Variants in FAT4 observed in about 807,000 individuals in gnomAD.
FAT4 encodes the protein protocadherin Fat 4.
Under a neutral mutation model 303.9 loss-of-function variants are expected in FAT4, and 84 were observed. The observed-to-expected ratio is 0.28, with a 90% CI of 0.23 to 0.33. The LOEUF is 0.33. Ranked by LOEUF, FAT4 falls within the 10% of genes least tolerant of loss-of-function variation. FAT4 has a pLI of 1.00. For missense variants in FAT4, 6,005 were observed against 6,146.8 expected, an observed-to-expected ratio of 0.98 and a Z score of 0.77; for synonymous variants, 2,307 against 2,298.8, an observed-to-expected ratio of 1.00 and a Z score of -0.10.
At chr4:125,485,748 G>T (rs756702333) in intron 16 of FAT4, among the ~76,000 whole-genome samples, 3 of 152,104 alleles carry the variant, frequency 2.0e-5, no homozygotes, top group Non-Finnish European at 4.4e-5. Flanking sequence ...TTATCAAATT[G>T]CATGTGATAT....
chr4:125,381,223 T>G (rs1286337926), intron 2 of FAT4, among the ~76,000 whole-genome samples: 4 of 152,204 alleles, frequency 2.6e-5, no homozygotes, highest in Non-Finnish European at 4.4e-5. Flanking sequence ...AAGAAAAAAC[T>G]AATAATACAG....
chr4:125,419,843 G>T (rs1735218062), intron 7 of FAT4, among the ~76,000 whole-genome samples: 1 of 152,184 alleles, frequency 6.6e-6, no homozygotes. Flanking sequence ...ATCAGTAAGT[G>T]CTTTGAATGT....
chr4:125,326,897 C>T (rs1013746010), intron 2 of FAT4, among the ~76,000 whole-genome samples: 4 of 151,984 alleles, frequency 2.6e-5, no homozygotes, highest in Non-Finnish European at 5.9e-5. Flanking sequence ...TGGTGGTGCA[C>T]GCCTGTAGTC....
chr4:125,343,371 TAGCACCA>T (rs148816162), intron 2 of FAT4, among the ~76,000 whole-genome samples: 483 of 152,224 alleles, frequency 3.2e-3, no homozygotes, highest in African/African-American at 9.0e-3. Flanking sequence ...CTAGAACCCA[TAGCACCA>T]AGTCCATGGG....
intron 2 of FAT4, among the ~76,000 whole-genome samples, chr4:125,360,182 C>T (rs1195653682): frequency 6.6e-6 from 1 of 152,104 alleles, no homozygotes; most frequent in East Asian, 1.9e-4. Context: ...TCCTCCTTTA[C>T]GCATTGCTAG....
Position 125,451,446 on chromosome 4 carries a change from A to G in FAT4, c.10436A>G (p.Asn3479Ser). The part of the protein sequence containing the change: ...ELDRETLPIY[N>S]LSVLAVDSGT... The stretch of plus-strand genomic sequence containing the variant: ...GATCGAGAAACCCTTCCCATCTATA[A>G]TCTCTCAGTTTTGGCTGTTGATTCA... The change falls in exon 10 of 18, where the codon AAT becomes AGT. Residue 3479 changes from asparagine to serine, a missense_variant. Asn to Ser is a conservative substitution (Grantham distance 46). Coordinates refer to ENST00000394329, the MANE Select transcript of FAT4 (RefSeq NM_001291303.3). 6.2e-7 allele frequency: 1 copy of G among 1,614,086 alleles called. No individual in the cohort carries two copies. The highest frequency in any genetic ancestry group is 1.1e-5 in the South Asian group (1 of 91,082).
Position 125,396,961 on chromosome 4 carries a change from TATATAA to T in FAT4, c.5176-1821_5176-1816del, listed in dbSNP as rs1341843061. Among the ~76,000 whole-genome samples, 293 of 83,868 alleles carry T rather than the reference TATATAA, an allele frequency of 3.5e-3. 2 individuals are homozygous for T. Among genetic ancestry groups the T allele is most frequent in the African/African-American group, 0.014 (267 of 18,860 alleles). The allele number at this position is 83,868 out of a possible 152,430, so 55.0% of individuals were successfully genotyped here. ...ATATATATATATATATATATATATA[TATATAA>T]AATATGTATGTGTGTGTGTATTTCA... On this transcript the variant is annotated intron_variant, in intron 2 of 17. Transcript: ENST00000394329.
At chr4:125,367,381 A>G (rs1211907567) in intron 2 of FAT4, among the ~76,000 whole-genome samples, 1 of 152,146 alleles carries the variant, frequency 6.6e-6, no homozygotes, top group East Asian at 1.9e-4. Flanking sequence ...AAGAACACAA[A>G]GGTTATAGAG....
intron 2 of FAT4, among the ~76,000 whole-genome samples, chr4:125,373,229 G>A (rs1000827856): frequency 6.6e-6 from 1 of 152,080 alleles, no homozygotes; most frequent in African/African-American, 2.4e-5. Context: ...TTTTAGTCAA[G>A]TAATAATAAT....
Position 125,414,344 on chromosome 4 carries a change from A to T in FAT4, c.5921-540A>T, listed in dbSNP as rs73849205. Among the ~76,000 whole-genome samples the T allele has an allele frequency of 7.9e-3, 1,208 of 152,274 alleles. 11 individuals are homozygous for T. Among genetic ancestry groups the T allele is most frequent in the African/African-American group, 0.028 (1,149 of 41,582 alleles). The stretch of plus-strand genomic sequence containing the variant: ...TACTGCTAACAATTTCTTTAAAAAT[A>T]CTTTTTAGAAACTTTAAATATGTTT... On this transcript the variant is annotated intron_variant, in intron 5 of 17. Transcript: ENST00000394329.
chr4:125,422,952 G>A (rs1400208677), intron 7 of FAT4, among the ~76,000 whole-genome samples: 2 of 152,146 alleles, frequency 1.3e-5, no homozygotes, highest in Non-Finnish European at 2.9e-5. Context: ...CTGGAGCAAA[G>A]GTCACTCTTG....
At chr4:125,439,299 A>C (rs193076950) in intron 8 of FAT4, among the ~76,000 whole-genome samples, 1 of 150,592 alleles carries the variant, frequency 6.6e-6, no homozygotes, top group South Asian at 2.1e-4. Flanking sequence ...CACAAACTCC[A>C]CTGACAAAGT....
At chr4:125,376,349 C>T (rs188135971) in intron 2 of FAT4, among the ~76,000 whole-genome samples, 1 of 152,198 alleles carries the variant, frequency 6.6e-6, no homozygotes, top group Admixed American at 6.5e-5. Context: ...AAATGGACCT[C>T]TGTTGATGCT....
At chr4:125,403,505 A>G (rs1414465039) in intron 3 of FAT4, among the ~76,000 whole-genome samples, 1 of 151,766 alleles carries the variant, frequency 6.6e-6, no homozygotes, top group African/African-American at 2.4e-5. Flanking sequence ...GAGTGTTCCT[A>G]TCTCTATCTA....
rs757205483 is a variant in FAT4 at position 125,317,560 on chromosome 4, G to A, written c.1149G>A (p.Thr383=). ...VGTVVALLTV[T]DADSPAANGN... ...CCGTGGTGGCTCTGCTCACCGTGAC[G>A]GACGCAGATTCTCCCGCGGCCAACG... The change falls in exon 2 of 18, where the codon ACG becomes ACA. Residue 383 remains threonine, a synonymous_variant. Coordinates refer to ENST00000394329, the MANE Select transcript of FAT4 (RefSeq NM_001291303.3). The surrounding 1 kb of genome is among the most constrained non-coding windows in gnomAD (Gnocchi z 7.0). 6.2e-7 allele frequency: 1 copy of A among 1,613,882 alleles called. No homozygotes were observed. The highest frequency in any genetic ancestry group is 8.5e-7 in the Non-Finnish European group (1 of 1,179,988).
intron 13 of FAT4, 83 bp from the exon 14 acceptor site, chr4:125,477,066 AAGCTAT>A: frequency 9.8e-7 from 1 of 1,021,308 alleles, no homozygotes; most frequent in Admixed American, 3.2e-5. Context: ...TGTCAAAAAA[AAGCTAT>A]ATTCACTCTT....
rs1730864554 is a variant in FAT4 at position 125,320,067 on chromosome 4, T to C, written c.3656T>C (p.Ile1219Thr). ...KFLKDFYQAT[I>T]SESAANLTQV... ...TTAAAAGACTTTTACCAAGCTACAA[T>C]ATCAGAATCAGCAGCCAATCTGACA... Residue 1219 changes from isoleucine to threonine, a missense_variant, in exon 2 of 18, where the codon ATA (isoleucine) becomes ACA (threonine). Coordinates refer to ENST00000394329, the MANE Select transcript of FAT4 (RefSeq NM_001291303.3). 2 of 1,613,874 alleles carry C rather than the reference T, an allele frequency of 1.2e-6. No individual in the cohort carries two copies. Among genetic ancestry groups the C allele is most frequent in the East Asian group, 4.5e-5 (2 of 44,884 alleles).
intron 16 of FAT4, among the ~76,000 whole-genome samples, chr4:125,486,327 T>C (rs894728615): frequency 6.6e-6 from 1 of 152,136 alleles, no homozygotes; most frequent in African/African-American, 2.4e-5. Flanking sequence ...TAATAAAATA[T>C]TGCTATATGA....
At position 125,448,816 on chromosome 4, in the gene FAT4, A is replaced by C. The variant is rs1328577441; in HGVS notation, c.7806A>C (p.Ser2602=). ...CCTCTTTAAGAGGAGAACCTATGTC[A>C]TATTATATCGCAAGTGGGAATCTTG... ...TGSSLRGEPM[S]YYIASGNLGN... Residue 2602 remains serine, a synonymous_variant, in exon 10 of 18, where the codon TCA becomes TCC. Transcript: ENST00000394329. The C allele has an allele frequency of 6.2e-7, 1 of 1,609,118 alleles. No homozygotes were observed. Among genetic ancestry groups the C allele is most frequent in the Non-Finnish European group, 8.5e-7 (1 of 1,179,854 alleles).
Sources: allele counts gnomAD v4.1 joint callset (sites outside exome capture counted in the v4.1 genomes callset), GRCh38; gene constraint gnomAD v4.1.1; non-coding constraint Gnocchi (gnomAD v3.1); transcripts MANE v1.5; gene names NCBI Gene and HGNC (gene_info 2026-07-23, HGNC 2026-07-21).